Variants in DSCAM observed in about 807,000 individuals in gnomAD.
DSCAM encodes DS cell adhesion molecule.
Under a neutral mutation model 217.7 loss-of-function variants are expected in DSCAM, and 47 were observed. The ratio of observed to expected loss-of-function variants is 0.22; its 90% confidence interval spans 0.17 to 0.28. The LOEUF (loss-of-function observed/expected upper bound fraction) is 0.28, where lower values mean the gene tolerates loss of function less well. Among genes scored for constraint, DSCAM ranks in the 10% least tolerant of loss-of-function variants. DSCAM has a pLI of 1.00. For missense variants in DSCAM, 2,080 were observed against 2,618.3 expected (o/e 0.79, Z 4.49); for synonymous variants, 1,056 against 1,015.3 (o/e 1.04, Z -0.76).
chr21:40,409,662 G>C (rs1349813885), intron 3 of DSCAM, among the ~76,000 whole-genome samples: 1 of 152,242 alleles, frequency 6.6e-6, no homozygotes, highest in South Asian at 2.1e-4. Context: ...GGTGGGAATA[G>C]TTTGTATCCC....
chr21:40,695,440 G>A (rs771461916), intron 2 of DSCAM, among the ~76,000 whole-genome samples: 27 of 152,110 alleles, frequency 1.8e-4, no homozygotes, highest in Admixed American at 1.1e-3. Flanking sequence ...CCAGTACCAG[G>A]ACACCTTAGT....
rs185193050 is a variant in DSCAM, at chr21:40,336,392, C to T, written c.1783+1709G>A. On this transcript the variant is annotated intron_variant, in intron 8 of 32. Coordinates refer to ENST00000400454, the MANE Select transcript of DSCAM (RefSeq NM_001389.5). ...AAAGAATAGAATTTTAGAAAACTTG[C>T]ATCCATCAGCATGAACTTGACAGTT... is the stretch of plus-strand genomic sequence containing the variant. Among the ~76,000 whole-genome samples, 255 of 152,244 alleles carry T rather than the reference C, an allele frequency of 1.7e-3. 2 individuals are homozygous for T. The highest frequency in any genetic ancestry group is 4.6e-3 in the African/African-American group (191 of 41,554).
At chr21:40,438,937 G>A (rs1356117243) in intron 3 of DSCAM, among the ~76,000 whole-genome samples, 1 of 152,068 alleles carries the variant, frequency 6.6e-6, no homozygotes, top group Admixed American at 6.6e-5. Flanking sequence ...GGTAGCCATA[G>A]AGTGGCATGT....
intron 1 of DSCAM, among the ~76,000 whole-genome samples, chr21:40,726,523 G>A (rs111721673): frequency 3.4e-5 from 5 of 149,034 alleles, no homozygotes; most frequent in Admixed American, 3.3e-4. Context: ...ATATGGGTCT[G>A]AACATAGAAG....
In DSCAM at chr21:40,151,720, G is replaced by A. The variant is rs117554965; in HGVS notation, c.3019-6989C>T. On this transcript the variant is annotated intron_variant, in intron 16 of 32. Transcript: ENST00000400454. ...TGGTTTAGCTGTTGAAGAGAGGCCT[G>A]GCTTAGCCACTACAGAAGTGGAGAA... Among the ~76,000 whole-genome samples the A allele has an allele frequency of 4.9e-4, 75 of 152,324 alleles. No individual in the cohort carries two copies. In the East Asian group the frequency reaches 0.014, roughly 27 times the overall value.
intron 3 of DSCAM, among the ~76,000 whole-genome samples, chr21:40,386,536 G>C (rs1432118425): frequency 6.6e-6 from 1 of 152,220 alleles, no homozygotes; most frequent in East Asian, 1.9e-4. Flanking sequence ...GGCACAGAGA[G>C]CTCCACGGCA....
intron 11 of DSCAM, among the ~76,000 whole-genome samples, chr21:40,244,276 C>A (rs566638843): frequency 6.6e-6 from 1 of 152,166 alleles, no homozygotes; most frequent in Admixed American, 6.5e-5. Context: ...CATGGAGAAA[C>A]CCCATCTCTA....
chr21:40,207,845 C>A (rs1444110870), intron 11 of DSCAM, among the ~76,000 whole-genome samples: 1 of 152,150 alleles, frequency 6.6e-6, no homozygotes, highest in Non-Finnish European at 1.5e-5. Context: ...TTGCAGATAA[C>A]CATCTTCACC....
intron 3 of DSCAM, among the ~76,000 whole-genome samples, chr21:40,508,734 AATATAT>A (rs760072956): frequency 5.9e-4 from 27 of 45,846 alleles, no homozygotes; most frequent in East Asian, 2.8e-3. Context: ...ACACCCGGCA[AATATAT>A]ATATATATAT....
At chr21:40,178,285 ATTAT>A (rs2090755124) in intron 15 of DSCAM, among the ~76,000 whole-genome samples, 1 of 152,092 alleles carries the variant, frequency 6.6e-6, no homozygotes, top group East Asian at 1.9e-4. Context: ...GGGTGATGAA[ATTAT>A]TTAGCCAGTT....
chr21:40,166,505 T>C (rs1350301940), intron 16 of DSCAM, among the ~76,000 whole-genome samples: 1 of 152,070 alleles, frequency 6.6e-6, no homozygotes, highest in African/African-American at 2.4e-5. Flanking sequence ...CATGGAACAG[T>C]GGTGGTTGGT....
At chr21:40,799,613 A>C (rs77866464) in intron 1 of DSCAM, among the ~76,000 whole-genome samples, 2,783 of 152,308 alleles carry the variant, frequency 0.018, 73 homozygotes, top group Non-Finnish European at 0.023. Context: ...TCCCTTTTTC[A>C]GCTTGTAAAG....
At chr21:40,082,615 C>T (rs2089478612) in intron 24 of DSCAM, among the ~76,000 whole-genome samples, 1 of 151,692 alleles carries the variant, frequency 6.6e-6, no homozygotes, top group South Asian at 2.1e-4. Context: ...GCAGCTATTA[C>T]AAACCTATCC....
chr21:40,578,420 ACG>A lies in DSCAM; in HGVS notation c.508+114388_508+114389del, dbSNP rs2076872712. ...ATGCACCAGTCAGCACTCTGTAAAA[ACG>A]CACCAATCAGCACTCTGTAAAACAG... On this transcript the variant is annotated intron_variant, in intron 3 of 32. Transcript: ENST00000400454. Among the ~76,000 whole-genome samples the A allele has an allele frequency of 4.0e-5, 6 of 151,752 alleles. No homozygotes were observed. The South Asian group carries it at 1.0e-3, about 26-fold the overall frequency.
intron 3 of DSCAM, among the ~76,000 whole-genome samples, chr21:40,572,648 C>T (rs1465298062): frequency 1.3e-5 from 2 of 152,008 alleles, no homozygotes; most frequent in South Asian, 2.1e-4. Context: ...AATAGTAACC[C>T]AGAGAGAAAA....
chr21:40,617,274 C>A (rs1266752697), intron 3 of DSCAM, among the ~76,000 whole-genome samples: 1 of 151,434 alleles, frequency 6.6e-6, no homozygotes, highest in Non-Finnish European at 1.5e-5. Context: ...CAGGCGCCCG[C>A]CACCACGCTC....
intron 3 of DSCAM, among the ~76,000 whole-genome samples, chr21:40,541,832 A>T (rs1434764912): frequency 6.6e-6 from 1 of 152,208 alleles, no homozygotes; most frequent in Non-Finnish European, 1.5e-5. Context: ...TATTGCACTG[A>T]AAGTAGTAGA....
intron 2 of DSCAM, among the ~76,000 whole-genome samples, chr21:40,699,126 T>C (rs562568775): frequency 7.1e-6 from 1 of 139,940 alleles, no homozygotes; most frequent in East Asian, 2.0e-4. Flanking sequence ...CTTACAATAT[T>C]TCAAACTTTT....
intron 3 of DSCAM, among the ~76,000 whole-genome samples, chr21:40,409,736 A>C (rs892237809): frequency 1.3e-5 from 2 of 152,240 alleles, no homozygotes; most frequent in African/African-American, 4.8e-5. Flanking sequence ...GAATTGTATT[A>C]ATATTACCTT....
Sources: allele counts gnomAD v4.1 joint callset (sites outside exome capture counted in the v4.1 genomes callset), GRCh38; gene constraint gnomAD v4.1.1; transcripts MANE v1.5; gene names NCBI Gene and HGNC (gene_info 2026-07-23, HGNC 2026-07-21).